Variants in WDFY3 observed in about 807,000 individuals in gnomAD.
WDFY3 encodes the protein WD repeat and FYVE domain-containing protein 3.
In WDFY3, 66 loss-of-function variants were observed where a neutral mutation model predicts 409.6. The observed-to-expected ratio is 0.16, with a 90% CI of 0.13 to 0.20. The LOEUF (loss-of-function observed/expected upper bound fraction) is 0.20. Ranked by LOEUF, WDFY3 falls within the 10% of genes least tolerant of loss-of-function variation. The pLI, the probability that WDFY3 is intolerant of heterozygous loss-of-function variation, is 1.00. For missense variants in WDFY3, 3,031 were observed against 4,298.1 expected, an observed-to-expected ratio of 0.71 and a Z score of 8.24; for synonymous variants, 1,521 against 1,537.1, an observed-to-expected ratio of 0.99 and a Z score of 0.25.
intron 32 of WDFY3, 23 bp from the exon 33 acceptor site, chr4:84,757,184 G>T: frequency 6.2e-7 from 1 of 1,600,702 alleles, no homozygotes. Flanking sequence ...GAATATAACA[G>T]TAAGTGCAAA....
intron 56 of WDFY3, among the ~76,000 whole-genome samples, chr4:84,698,294 T>A (rs1007830520): frequency 6.5e-4 from 96 of 146,706 alleles, no homozygotes; most frequent in African/African-American, 1.9e-3. Context: ...ATATATATTT[T>A]TTTTTTTTGA....
intron 7 of WDFY3, among the ~76,000 whole-genome samples, chr4:84,833,503 T>TC (rs571912630): frequency 1.1e-3 from 171 of 151,796 alleles, no homozygotes; most frequent in African/African-American, 4.0e-3. Flanking sequence ...ATGGTAAAAC[T>TC]CCATCTCTAC....
At chr4:84,894,389 G>A (rs1765338095) in intron 3 of WDFY3, among the ~76,000 whole-genome samples, 1 of 152,032 alleles carries the variant, frequency 6.6e-6, no homozygotes, top group African/African-American at 2.4e-5. Flanking sequence ...CCAGGTGCAG[G>A]GGCTCATGCC....
rs72947570 is a variant in WDFY3 at position 84,775,184 on chromosome 4, C to T, written c.4519-46G>A. 1.5e-3 allele frequency: 2,334 copies of T among 1,544,740 alleles called. 39 individuals carry two copies. The African/African-American group carries it at 0.029, about 19-fold the overall frequency. On this transcript the variant is annotated intron_variant, in intron 27 of 67. Coordinates refer to ENST00000295888, the MANE Select transcript of WDFY3 (RefSeq NM_014991.6). ...AGTATATTTAAGGTTAAAAAAAATG[C>T]CCAAATGCCAAACCAACAAACACCA...
rs796363533 is a variant in WDFY3 at position 84,826,676 on chromosome 4, TA to T, written c.1123+138del. On this transcript the variant is annotated intron_variant, in intron 10 of 67. Transcript: ENST00000295888. ...ATTACTTAAGAAATACTTAAACCAT[TA>T]AAAAAAAAACAAGCTTTAAGGGAAA... is the stretch of plus-strand genomic sequence containing the variant. 2,599 of 689,084 alleles carry T rather than the reference TA, an allele frequency of 3.8e-3. 11 individuals are homozygous for T. The highest frequency in any genetic ancestry group is 0.023 in the African/African-American group (1,188 of 52,262). 42.7% of individuals were successfully genotyped at this position (689,084 alleles called of 1,614,324 possible). A position where few individuals can be genotyped will look rare whatever the true frequency, so the allele number is the denominator to read the frequency against.
At chr4:84,850,836 T>G (rs1400949489) in intron 4 of WDFY3, among the ~76,000 whole-genome samples, 1 of 149,426 alleles carries the variant, frequency 6.7e-6, no homozygotes, top group Non-Finnish European at 1.5e-5. Flanking sequence ...AAAACAGAAA[T>G]GGGAGGGTCA....
chr4:84,821,219 G>C lies in WDFY3; in HGVS notation c.1456C>G (p.Leu486Val). ...TAGTCATGTCTTGTAAACTTAAGAA[G>C]TGTTTTCATTGCAATAATGCTACAG... ...YHCSIIAMKT[L>V]LKFTRHDYIF... The change falls in exon 11 of 68, where the codon CTT (leucine) becomes GTT (valine). Residue 486 changes from leucine (L) to valine (V), a missense_variant. Leu to Val is a conservative substitution (Grantham distance 32). Around this residue, in one of 16 missense-constraint regions of WDFY3, gnomAD observed 1,322 missense variants for 1,697.9 expected, o/e 0.78. Transcript: ENST00000295888. The C allele has an allele frequency of 6.2e-7, 1 of 1,613,704 alleles. No homozygotes were observed. Among genetic ancestry groups the C allele is most frequent in the Middle Eastern group, 1.7e-4 (1 of 6,058 alleles).
intron 3 of WDFY3, among the ~76,000 whole-genome samples, chr4:84,891,049 A>C (rs1274594614): frequency 6.6e-6 from 1 of 152,214 alleles, no homozygotes; most frequent in Non-Finnish European, 1.5e-5. Flanking sequence ...TTTGTAAGAC[A>C]TAGACAAGCA....
intron 2 of WDFY3, among the ~76,000 whole-genome samples, chr4:84,898,289 A>C (rs910814120): frequency 2.0e-5 from 3 of 152,218 alleles, no homozygotes; most frequent in African/African-American, 4.8e-5. Context: ...CTTCATATTA[A>C]ATTTGTAAAC....
At chr4:84,675,886 A>G (rs1035784218) in intron 67 of WDFY3, among the ~76,000 whole-genome samples, 1 of 152,194 alleles carries the variant, frequency 6.6e-6, no homozygotes, top group Non-Finnish European at 1.5e-5. Flanking sequence ...GACCTTTCAT[A>G]TGGGGGAAAA....
At chr4:84,816,217 T>G (rs1421150367) in intron 13 of WDFY3, among the ~76,000 whole-genome samples, 2 of 152,192 alleles carry the variant, frequency 1.3e-5, no homozygotes, top group African/African-American at 2.4e-5. Context: ...TAAATTTTAA[T>G]GGACTTCTTT....
At chr4:84,702,977 T>C (rs1367611236) in intron 55 of WDFY3, among the ~76,000 whole-genome samples, 4 of 151,888 alleles carry the variant, frequency 2.6e-5, no homozygotes, top group Non-Finnish European at 4.4e-5. Flanking sequence ...GCGCCTGTAG[T>C]CCCAGCTACT....
intron 1 of WDFY3, among the ~76,000 whole-genome samples, chr4:84,950,558 A>T (rs906050380): frequency 1.3e-5 from 2 of 152,138 alleles, no homozygotes; most frequent in Admixed American, 1.3e-4. Context: ...TTGGGAGGCC[A>T]AGGCGGGTGG....
chr4:84,770,051 C>T (rs1009701402), intron 30 of WDFY3, among the ~76,000 whole-genome samples: 10 of 150,176 alleles, frequency 6.7e-5, no homozygotes, highest in African/African-American at 1.7e-4. Flanking sequence ...TTTTTTGAGA[C>T]GGAGTCTCAC....
At chr4:84,937,229 CATCT>C (rs1771533615) in intron 1 of WDFY3, among the ~76,000 whole-genome samples, 2 of 152,102 alleles carry the variant, frequency 1.3e-5, no homozygotes, top group South Asian at 4.1e-4. Context: ...TATTAGTTCT[CATCT>C]TTCTTGACTT....
intron 1 of WDFY3, among the ~76,000 whole-genome samples, chr4:84,949,974 A>G (rs1442662311): frequency 6.6e-6 from 1 of 152,224 alleles, no homozygotes; most frequent in Non-Finnish European, 1.5e-5. Context: ...CACTATTCAC[A>G]ATAGCAAAGA....
intron 24 of WDFY3, among the ~76,000 whole-genome samples, chr4:84,784,408 T>C (rs1478024914): frequency 6.6e-6 from 1 of 152,266 alleles, no homozygotes; most frequent in Non-Finnish European, 1.5e-5. Flanking sequence ...CTCTACTCTT[T>C]TTGTAGTTTT....
intron 43 of WDFY3, 141 bp downstream of exon 43, chr4:84,734,902 A>G (rs1737184103): frequency 4.4e-6 from 3 of 679,090 alleles, no homozygotes; most frequent in Non-Finnish European, 7.3e-6. Flanking sequence ...AGCTGATGGC[A>G]GGAATAATTA....
At chr4:84,945,449 T>C (rs750364775) in intron 1 of WDFY3, among the ~76,000 whole-genome samples, 1 of 152,238 alleles carries the variant, frequency 6.6e-6, no homozygotes, top group Admixed American at 6.5e-5. Flanking sequence ...GAATGCTTCA[T>C]ATAAATCACA....
Sources: allele counts gnomAD v4.1 joint callset (sites outside exome capture counted in the v4.1 genomes callset), GRCh38; gene constraint gnomAD v4.1.1; regional missense constraint gnomAD v4.1.1; transcripts MANE v1.5; gene names NCBI Gene and HGNC (gene_info 2026-07-23, HGNC 2026-07-21).